The following ACYP2 variants were observed in gnomAD, a reference collection of about 807,000 sequenced individuals.
ACYP2 encodes acylphosphatase 2, also known as acylphosphatase-2.
ACYP2 carries 12 observed loss-of-function variants against 11.2 expected under a neutral mutation model. The ratio of observed to expected loss-of-function variants is 1.08; its 90% CI spans 0.69 to 1.74. The LOEUF (loss-of-function observed/expected upper bound fraction) is 1.74. ACYP2 is among the 40% of genes most tolerant of loss of function. The pLI is 0.00. For synonymous variants in ACYP2, 43 were observed against 32.2 expected (o/e 1.33, Z -1.13); for missense variants, 134 against 101.9 (o/e 1.31, Z -1.35).
intron 6 of ACYP2, among the ~76,000 whole-genome samples, chr2:54,290,974 T>C (rs1356781829): frequency 6.6e-6 from 1 of 152,034 alleles, no homozygotes. Context: ...ATACAGCTGC[T>C]CTCTCTCCTC....
rs562836005 is a variant in ACYP2 at position 54,027,379 on chromosome 2, G to A, written c.63-23579G>A. Among the ~76,000 whole-genome samples, 14 of 152,156 alleles carry A rather than the reference G, an allele frequency of 9.2e-5. No individual in the cohort carries two copies. In the South Asian group the frequency reaches 2.3e-3, roughly 25 times the overall value. Reference sequence around the variant, plus strand: ...TGTCATGTAACAGCTGTCCTGCCCTGTATCCCAGGGAAGAAATATCAAACA... The same window carrying A: ...TGTCATGTAACAGCTGTCCTGCCCTATATCCCAGGGAAGAAATATCAAACA... On this transcript the variant is annotated intron_variant, in intron 2 of 6. Coordinates refer to ENST00000607452, the MANE Select transcript of ACYP2 (RefSeq NM_001320586.2).
intron 6 of ACYP2, among the ~76,000 whole-genome samples, chr2:54,177,541 T>G (rs1683513124): frequency 6.9e-6 from 1 of 145,844 alleles, no homozygotes; most frequent in African/African-American, 2.8e-5. Flanking sequence ...GAGTATGCCA[T>G]CTATTTCCTG....
intron 6 of ACYP2, among the ~76,000 whole-genome samples, chr2:54,278,254 A>G (rs1688699468): frequency 6.6e-6 from 1 of 152,238 alleles, no homozygotes; most frequent in African/African-American, 2.4e-5. Context: ...CTGGGATTAC[A>G]GGCGTCAGCC....
At chr2:54,212,494 C>A (rs1419563692) in intron 6 of ACYP2, among the ~76,000 whole-genome samples, 1 of 152,196 alleles carries the variant, frequency 6.6e-6, no homozygotes, top group Non-Finnish European at 1.5e-5. Context: ...CAGTTATGAT[C>A]ATCTTAGTAG....
intron 5 of ACYP2, 107 bp from the exon 3 acceptor site, chr2:54,138,532 C>T: frequency 2.5e-6 from 2 of 815,016 alleles, no homozygotes; most frequent in Non-Finnish European, 3.8e-6. Flanking sequence ...GCATTGACTA[C>T]AAAAAATGAT....
chr2:54,290,533 A>G (rs896732576), intron 6 of ACYP2, among the ~76,000 whole-genome samples: 1 of 150,156 alleles, frequency 6.7e-6, no homozygotes. Flanking sequence ...TACATTTAAA[A>G]GTGAAAAGGG....
intron 6 of ACYP2, among the ~76,000 whole-genome samples, chr2:54,155,670 C>T (rs1682397760): frequency 6.6e-6 from 1 of 152,228 alleles, no homozygotes; most frequent in African/African-American, 2.4e-5. Context: ...CTGTCTTCCA[C>T]CAAACTGGTC....
At chr2:53,972,210 T>G (rs985913360) in intron 1 of ACYP2, among the ~76,000 whole-genome samples, 2 of 149,870 alleles carry the variant, frequency 1.3e-5, no homozygotes, top group Admixed American at 1.3e-4. Context: ...CTCGGGAGGC[T>G]GAGGCAGGAG....
chr2:54,257,189 C>G (rs28416696), intron 6 of ACYP2, among the ~76,000 whole-genome samples: 22,643 of 151,960 alleles, frequency 0.15, 1,686 homozygotes, highest in East Asian at 0.18. Flanking sequence ...GCCTGGGCAA[C>G]ACAGCAAGAC....
chr2:54,186,724 G>A (rs566914378), intron 6 of ACYP2, among the ~76,000 whole-genome samples: 1 of 152,088 alleles, frequency 6.6e-6, no homozygotes, highest in South Asian at 2.1e-4. Flanking sequence ...ATGTTGGCCA[G>A]GCTGGTCTCA....
At chr2:54,222,002 G>GCAAATCTGT (rs1043610736) in intron 6 of ACYP2, among the ~76,000 whole-genome samples, 7 of 152,156 alleles carry the variant, frequency 4.6e-5, no homozygotes, top group African/African-American at 1.7e-4. Context: ...TCTCCTCACA[G>GCAAATCTGT]CAAATCTGTC....
At chr2:54,180,718 C>G (rs1222692846) in intron 6 of ACYP2, among the ~76,000 whole-genome samples, 1 of 152,032 alleles carries the variant, frequency 6.6e-6, no homozygotes, top group Non-Finnish European at 1.5e-5. Flanking sequence ...CCATGCCAGG[C>G]TAATTTTTGT....
intron 2 of ACYP2, among the ~76,000 whole-genome samples, chr2:54,014,444 C>T (rs771448593): frequency 6.6e-6 from 1 of 152,030 alleles, no homozygotes; most frequent in African/African-American, 2.4e-5. Context: ...CTCATCCTCC[C>T]GAGTAGCTGA....
chr2:54,228,238 C>G lies in ACYP2; in HGVS notation c.405-76450C>G, dbSNP rs184977045. 1.8e-4 allele frequency among the ~76,000 whole-genome samples: 28 copies of G among 152,242 alleles called. No individual in the cohort carries two copies. In the East Asian group the frequency reaches 5.0e-3, roughly 27 times the overall value. On this transcript the variant is annotated intron_variant, in intron 6 of 6. Transcript: ENST00000607452. The stretch of plus-strand genomic sequence containing the variant: ...AAATTAGTAGATATATAAGATCAGG[C>G]AGATCTTTATCATTGAGCAAAGGTC...
intron 6 of ACYP2, chr2:54,255,280 C>T (rs1360800937): frequency 6.2e-7 from 1 of 1,614,174 alleles, no homozygotes; most frequent in Non-Finnish European, 8.5e-7. Context: ...AAACTTGCAG[C>T]CTGTCCTAGG....
At chr2:54,128,643 G>A (rs1373807022) in intron 4 of ACYP2, among the ~76,000 whole-genome samples, 1 of 152,020 alleles carries the variant, frequency 6.6e-6, no homozygotes, top group Non-Finnish European at 1.5e-5. Flanking sequence ...CTCCAGCCTG[G>A]GCAACAGAGT....
At chr2:54,291,318 G>C (rs996836638) in intron 6 of ACYP2, among the ~76,000 whole-genome samples, 13 of 152,156 alleles carry the variant, frequency 8.5e-5, no homozygotes, top group Admixed American at 6.5e-4. Flanking sequence ...TTGGGATGCT[G>C]TTCTAGTGCT....
chr2:54,019,661 C>T (rs1381440551), intron 2 of ACYP2, among the ~76,000 whole-genome samples: 7 of 151,754 alleles, frequency 4.6e-5, no homozygotes, highest in Admixed American at 4.6e-4. Context: ...ACTCCGTCAC[C>T]CAGGCTAGAG....
At chr2:54,214,899 A>G (rs1232786065) in intron 6 of ACYP2, among the ~76,000 whole-genome samples, 1 of 152,074 alleles carries the variant, frequency 6.6e-6, no homozygotes, top group African/African-American at 2.4e-5. Flanking sequence ...ATGTTTTTCC[A>G]TTTGTTTGTA....
Sources: allele counts gnomAD v4.1 joint callset (sites outside exome capture counted in the v4.1 genomes callset), GRCh38; gene constraint gnomAD v4.1.1; transcripts MANE v1.5; gene names NCBI Gene and HGNC (gene_info 2026-07-23, HGNC 2026-07-21).